The following GP6 variants were observed in gnomAD, a reference collection of about 807,000 sequenced individuals.
GP6 encodes the protein platelet glycoprotein VI.
A neutral mutation model predicts 37.3 loss-of-function variants in GP6; 45 were observed. That is an observed-to-expected ratio of 1.21 (90% CI 0.95 to 1.55). The LOEUF is 1.55. GP6 is among the 40% of genes most tolerant of loss of function. The probability of loss-of-function intolerance (pLI) is 0.00; values close to 1 mark genes in which losing one functional copy is unlikely to be tolerated. For synonymous variants in GP6, 340 were observed against 316.4 expected (o/e 1.07, Z -0.79); for missense variants, 813 against 760.2 (o/e 1.07, Z -0.82).
chr19:55,034,295 G>A (rs1334450659), intron 1 of GP6, among the ~76,000 whole-genome samples: 5 of 152,024 alleles, frequency 3.3e-5, no homozygotes, highest in Admixed American at 1.3e-4. Context: ...GGTGGCTCAT[G>A]CCTATAATCC....
chr19:55,020,205 CTT>C (rs71181725), intron 5 of GP6, among the ~76,000 whole-genome samples: 21,887 of 111,302 alleles, frequency 0.2, 2,159 homozygotes, highest in Non-Finnish European at 0.26. Flanking sequence ...ATTAATAAAC[CTT>C]TTTTTTTTTT....
intron 1 of GP6, among the ~76,000 whole-genome samples, chr19:55,037,795 C>G (rs2074893429): frequency 6.7e-6 from 1 of 150,190 alleles, no homozygotes. Flanking sequence ...TCACGCCCGG[C>G]TAATTTTTGT....
In GP6 at chr19:55,030,397, G is replaced by T. The variant is rs901239488; in HGVS notation, c.325+1742C>A. On this transcript the variant is annotated intron_variant, in intron 3 of 7. Coordinates refer to ENST00000310373, the MANE Select transcript of GP6 (RefSeq NM_001083899.2). Reference sequence around the variant, plus strand: ...GAGTCTTGCTCTGTCGCCCAGGCTGGACTGCAGTGGTGCAATCTCGGCTCA... The same window carrying T: ...GAGTCTTGCTCTGTCGCCCAGGCTGTACTGCAGTGGTGCAATCTCGGCTCA... Among the ~76,000 whole-genome samples, 4 of 152,082 alleles carry T rather than the reference G, an allele frequency of 2.6e-5. No homozygotes were observed. The East Asian group carries it at 7.7e-4, about 29-fold the overall frequency.
intron 4 of GP6, among the ~76,000 whole-genome samples, chr19:55,025,541 A>G (rs2074268082): frequency 6.6e-6 from 1 of 152,094 alleles, no homozygotes; most frequent in South Asian, 2.1e-4. Flanking sequence ...CCCCGTCTCC[A>G]CTAAAAATAC....
At chr19:55,033,958 G>A (rs2074711686) in intron 1 of GP6, among the ~76,000 whole-genome samples, 1 of 152,014 alleles carries the variant, frequency 6.6e-6, no homozygotes, top group Admixed American at 6.6e-5. Context: ...GAAGGAGGAT[G>A]GGGAAAGTTC....
rs1308732396 is a variant in GP6, at chr19:55,014,685, T to C, written c.1260A>G (p.Arg420=). ...ACAGTGTGCAGGGAGGAGGATGGGG[T>C]CTCCACAGATTCCTTCCATCCCAAA... Residue 420 remains arginine, a synonymous_variant, in exon 8 of 8, where the codon AGA becomes AGG. Coordinates refer to ENST00000310373, the MANE Select transcript of GP6 (RefSeq NM_001083899.2). 6.2e-7 allele frequency: 1 copy of C among 1,613,306 alleles called. No individual in the cohort carries two copies. The highest frequency in any genetic ancestry group is 1.3e-5 in the African/African-American group (1 of 74,774).
chr19:55,033,173 C>T (rs1281629015), intron 1 of GP6, among the ~76,000 whole-genome samples: 1 of 146,744 alleles, frequency 6.8e-6, no homozygotes, highest in African/African-American at 2.6e-5. Flanking sequence ...GCGGTGGGTT[C>T]GTTCGTGTTA....
At chr19:55,035,584 G>T (rs2074798525) in intron 1 of GP6, among the ~76,000 whole-genome samples, 2 of 152,088 alleles carry the variant, frequency 1.3e-5, no homozygotes, top group African/African-American at 4.8e-5. Context: ...GGGCGTAGTG[G>T]CAGGAGCCTG....
intron 5 of GP6, among the ~76,000 whole-genome samples, chr19:55,023,958 G>A (rs55656227): frequency 0.76 from 114,975 of 151,632 alleles, 44,379 homozygotes; most frequent in Middle Eastern, 0.84. Flanking sequence ...AAGGGTGTAG[G>A]TGTGAATATA....
intron 1 of GP6, among the ~76,000 whole-genome samples, chr19:55,037,569 T>A (rs1042320008): frequency 6.9e-6 from 1 of 144,242 alleles, no homozygotes; most frequent in African/African-American, 2.6e-5. Flanking sequence ...ACTCCCGACC[T>A]CAGATGGCCC....
rs1435739789 is a variant in GP6 at position 55,014,038 on chromosome 19, G to C, written c.*44C>G. ...GTATACAGAATTGTACATATTTATGGGGTGGACAGCAATATTGCAGTACAT... is the reference window on the plus strand; with the variant it reads ...GTATACAGAATTGTACATATTTATGCGGTGGACAGCAATATTGCAGTACAT... On this transcript the variant is annotated 3_prime_UTR_variant, in exon 8 of 8. Transcript: ENST00000310373. 2 of 571,448 alleles carry C rather than the reference G, an allele frequency of 3.5e-6. No homozygotes were observed. The highest frequency in any genetic ancestry group is 6.6e-6 in the Non-Finnish European group (2 of 301,522). The allele number at this position is 571,448 out of a possible 1,614,324, so 35.4% of individuals were successfully genotyped here.
At chr19:55,034,081 CAT>C (rs1491112733) in intron 1 of GP6, among the ~76,000 whole-genome samples, 2 of 151,364 alleles carry the variant, frequency 1.3e-5, no homozygotes, top group African/African-American at 4.9e-5. Flanking sequence ...TCTATACATA[CAT>C]GTGTATGTAC....
At position 55,024,291 on chromosome 19, in the gene GP6, T is replaced by TGCACACACAC. The variant is rs1568612580; in HGVS notation, c.664+926_664+927insGTGTGTGTGC. Among the ~76,000 whole-genome samples, 245 of 113,468 alleles carry TGCACACACAC rather than the reference T, an allele frequency of 2.2e-3. 2 individuals are homozygous for TGCACACACAC. Among genetic ancestry groups the TGCACACACAC allele is most frequent in the African/African-American group, 6.8e-3 (227 of 33,328 alleles). 74.4% of individuals were successfully genotyped at this position (113,468 alleles called of 152,430 possible). A position where few individuals can be genotyped will look rare whatever the true frequency, so the allele number is the denominator to read the frequency against. ...ATGCACGCATGCACACACACACATA[T>TGCACACACAC]GCACGCATGCACACACATATGCACG... On this transcript the variant is annotated intron_variant, in intron 5 of 7. Coordinates refer to ENST00000310373, the MANE Select transcript of GP6 (RefSeq NM_001083899.2).
chr19:55,036,406 C>A (rs1239521134), intron 1 of GP6, among the ~76,000 whole-genome samples: 3 of 152,092 alleles, frequency 2.0e-5, no homozygotes, highest in Non-Finnish European at 4.4e-5. Flanking sequence ...ACTGAAGCAA[C>A]AAGCCAGATG....
intron 5 of GP6, among the ~76,000 whole-genome samples, chr19:55,024,327 T>TGCACGCATGCACACACAC (rs1568613211): frequency 1.7e-4 from 5 of 30,216 alleles, no homozygotes; most frequent in African/African-American, 3.4e-4. Context: ...CACACACACA[T>TGCACGCATGCACACACAC]ATGCACGCAC....
chr19:55,034,144 GTATGCA>G (rs1162352495), intron 1 of GP6, among the ~76,000 whole-genome samples: 1 of 116,326 alleles, frequency 8.6e-6, no homozygotes, highest in Non-Finnish European at 1.7e-5. Flanking sequence ...ATGTATATAT[GTATGCA>G]TGTGTGTGTG....
At chr19:55,032,713 T>A in intron 1 of GP6, 175 bp from the exon 2 acceptor site, 2 of 735,196 alleles carry the variant, frequency 2.7e-6, no homozygotes, top group South Asian at 3.1e-5. Context: ...AAAAGCCACA[T>A]AGTTTATGAG....
Position 55,014,299 on chromosome 19 carries a change from A to G in GP6, c.1646T>C (p.Leu549Pro). ...TTGTGTTTTTTTGTTTTGTTGGTAGAGATGAGGTTTCACCATGTTGCACAG... is the reference window on the plus strand; with the variant it reads ...TTGTGTTTTTTTGTTTTGTTGGTAGGGATGAGGTTTCACCATGTTGCACAG... Residue 549 changes from leucine (L) to proline (P), a missense_variant, in exon 8 of 8, where the codon CTC (leucine) becomes CCC (proline). Physicochemically the swap from Leu to Pro is moderately conservative, Grantham distance 98. Transcript: ENST00000310373. The G allele has an allele frequency of 6.8e-7, 1 of 1,472,678 alleles. No homozygotes were observed. The highest frequency in any genetic ancestry group is 1.1e-5 in the South Asian group (1 of 88,362). 91.2% of individuals were successfully genotyped at this position (1,472,678 alleles called of 1,614,324 possible). A position where few individuals can be genotyped will look rare whatever the true frequency, so the allele number is the denominator to read the frequency against.
chr19:55,030,733 T>G (rs556156908), intron 3 of GP6, among the ~76,000 whole-genome samples: 1 of 152,192 alleles, frequency 6.6e-6, no homozygotes, highest in East Asian at 1.9e-4. Context: ...AAATACTAAA[T>G]GCACTGTGGG....
Sources: allele counts gnomAD v4.1 joint callset (sites outside exome capture counted in the v4.1 genomes callset), GRCh38; gene constraint gnomAD v4.1.1; transcripts MANE v1.5; gene names NCBI Gene and HGNC (gene_info 2026-07-23, HGNC 2026-07-21).